Variants in UNC13C observed in about 807,000 individuals in gnomAD.
The protein encoded by UNC13C is unc-13 homolog C.
A neutral mutation model predicts 245.4 loss-of-function variants in UNC13C; 174 were observed. That is an observed-to-expected ratio of 0.71 (90% CI 0.63 to 0.80). UNC13C has a LOEUF of 0.80. Among genes scored for constraint, UNC13C ranks in the 30% least tolerant of loss-of-function variants. The pLI is 0.00. For missense variants in UNC13C, 2,829 were observed against 2,602.9 expected, an observed-to-expected ratio of 1.09 and a Z score of -1.89; for synonymous variants, 992 against 895.1, an observed-to-expected ratio of 1.11 and a Z score of -1.93.
At chr15:53,860,086 C>G in the UNC13C span, among the ~76,000 whole-genome samples, 55 of 152,130 alleles carry the variant, frequency 3.6e-4, no homozygotes, top group Admixed American at 8.5e-4. Flanking sequence ...TCTTCTCTTT[C>G]TAGATATTGA....
intron 8 of UNC13C, among the ~76,000 whole-genome samples, chr15:54,263,337 C>T (rs118144605): frequency 2.3e-3 from 353 of 152,200 alleles, no homozygotes; most frequent in Non-Finnish European, 4.1e-3. Flanking sequence ...AAATCATGGT[C>T]CGTTATTAAC....
At chr15:53,930,374 G>A in the UNC13C span, among the ~76,000 whole-genome samples, 1 of 152,178 alleles carries the variant, frequency 6.6e-6, no homozygotes, top group South Asian at 2.1e-4. Context: ...CAAAGGAGGG[G>A]AAATAATCTT....
chr15:54,109,271 CTCCCCTCCCCTCCCCTCCCCTCCCT>C (rs1185398532), intron 2 of UNC13C, among the ~76,000 whole-genome samples: 13 of 58,336 alleles, frequency 2.2e-4, no homozygotes, highest in African/African-American at 8.4e-4. Flanking sequence ...TTTCCCTCTC[CTCCCCTCCCCTCCCCTCCCCTCCCT>C]TCCCCTCCCC....
intron 30 of UNC13C, among the ~76,000 whole-genome samples, chr15:54,588,999 C>T (rs1246638663): frequency 6.6e-6 from 1 of 152,114 alleles, no homozygotes; most frequent in Non-Finnish European, 1.5e-5. Context: ...GGTAGATACC[C>T]AGTAGTGAGA....
intron 17 of UNC13C, among the ~76,000 whole-genome samples, chr15:54,384,559 G>C (rs1325998094): frequency 6.6e-6 from 1 of 152,046 alleles, no homozygotes. Context: ...AGAAAACAGA[G>C]GGAAAATTCT....
intron 30 of UNC13C, among the ~76,000 whole-genome samples, chr15:54,619,439 A>G (rs1952547592): frequency 6.6e-6 from 1 of 152,146 alleles, no homozygotes; most frequent in African/African-American, 2.4e-5. Context: ...TTGATTATCC[A>G]GGTTTGTAAA....
chr15:54,509,826 T>G (rs1296303886), intron 23 of UNC13C, among the ~76,000 whole-genome samples: 1 of 152,206 alleles, frequency 6.6e-6, no homozygotes, highest in Non-Finnish European at 1.5e-5. Context: ...TCAGTAAAAC[T>G]GCACTTTGAA....
the UNC13C span, among the ~76,000 whole-genome samples, chr15:53,867,256 G>A: frequency 6.6e-6 from 1 of 151,958 alleles, no homozygotes; most frequent in East Asian, 1.9e-4. Flanking sequence ...TGCTGGTACA[G>A]GAACACAAAT....
intron 19 of UNC13C, among the ~76,000 whole-genome samples, chr15:54,419,616 T>A (rs1484947631): frequency 6.6e-6 from 1 of 152,078 alleles, no homozygotes; most frequent in Admixed American, 6.6e-5. Flanking sequence ...AAGGCCTTAA[T>A]GAGTATTTTA....
At chr15:53,874,922 C>T in the UNC13C span, among the ~76,000 whole-genome samples, 2 of 152,050 alleles carry the variant, frequency 1.3e-5, no homozygotes, top group Admixed American at 6.6e-5. Flanking sequence ...AGTGAAACCC[C>T]ATCTCTACTA....
chr15:54,095,329 T>C (rs1899798912), intron 2 of UNC13C, among the ~76,000 whole-genome samples: 1 of 152,138 alleles, frequency 6.6e-6, no homozygotes, highest in Non-Finnish European at 1.5e-5. Flanking sequence ...CGGGTTGTAG[T>C]GGGGTAAGCA....
intron 24 of UNC13C, among the ~76,000 whole-genome samples, chr15:54,522,951 G>T (rs534650931): frequency 3.3e-5 from 5 of 152,032 alleles, no homozygotes; most frequent in Non-Finnish European, 7.4e-5. Flanking sequence ...AATACAAAAA[G>T]ATTCAAGATA....
At chr15:54,480,291 T>C (rs546608462) in intron 19 of UNC13C, among the ~76,000 whole-genome samples, 107 of 151,656 alleles carry the variant, frequency 7.1e-4, no homozygotes, top group Non-Finnish European at 1.4e-3. Flanking sequence ...TTATATTTAA[T>C]AATATAAAAT....
chr15:54,262,834 C>T (rs1281743084), intron 8 of UNC13C, among the ~76,000 whole-genome samples: 3 of 152,104 alleles, frequency 2.0e-5, no homozygotes, highest in African/African-American at 7.2e-5. Flanking sequence ...CTCTAGGAAA[C>T]AGGTATTACA....
chr15:53,902,473 A>G, the UNC13C span, among the ~76,000 whole-genome samples: 2 of 152,254 alleles, frequency 1.3e-5, no homozygotes, highest in Non-Finnish European at 2.9e-5. Flanking sequence ...AGGACTTAAC[A>G]TAAATAGTTT....
intron 19 of UNC13C, among the ~76,000 whole-genome samples, chr15:54,435,342 A>AGG (rs2040959729): frequency 2.0e-5 from 3 of 151,636 alleles, no homozygotes; most frequent in Non-Finnish European, 4.4e-5. Context: ...AATCCCCATC[A>AGG]GATAAACTGG....
chr15:53,957,223 C>A, the UNC13C span, among the ~76,000 whole-genome samples: 1 of 152,082 alleles, frequency 6.6e-6, no homozygotes, highest in Non-Finnish European at 1.5e-5. Flanking sequence ...CTCACTGCAA[C>A]CTCCACCTCC....
At chr15:53,940,994 C>A in the UNC13C span, among the ~76,000 whole-genome samples, 12 of 152,122 alleles carry the variant, frequency 7.9e-5, no homozygotes, top group East Asian at 2.1e-3. Flanking sequence ...GCCCAAATAG[C>A]CAAGACAATC....
chr15:54,630,760 AT>A (rs1407276646), downstream of UNC13C: 1 of 152,082 alleles, frequency 6.6e-6, no homozygotes, highest in Non-Finnish European at 1.5e-5. Context: ...CTGCAGTGTG[AT>A]TTTTAGAATA....
Sources: allele counts gnomAD v4.1 joint callset (sites outside exome capture counted in the v4.1 genomes callset), GRCh38; gene constraint gnomAD v4.1.1; transcripts MANE v1.5; gene names NCBI Gene and HGNC (gene_info 2026-07-23, HGNC 2026-07-21).